Variants in MLIP observed in about 807,000 individuals in gnomAD.
The protein encoded by MLIP is muscular LMNA-interacting protein.
MLIP carries 79 observed loss-of-function variants against 84.8 expected under a neutral mutation model. The ratio of observed to expected loss-of-function variants is 0.93; its 90% CI spans 0.78 to 1.12. The LOEUF is 1.12. MLIP is among the 50% of genes most tolerant of loss of function. The pLI, the probability that MLIP is intolerant of heterozygous loss-of-function variation, is 0.00. For missense variants in MLIP, 1,257 were observed against 1,160.6 expected, an observed-to-expected ratio of 1.08 and a Z score of -1.21; for synonymous variants, 504 against 463.0, an observed-to-expected ratio of 1.09 and a Z score of -1.14.
At chr6:54,077,156 G>T (rs1299586897) in intron 1 of MLIP, among the ~76,000 whole-genome samples, 1 of 152,134 alleles carries the variant, frequency 6.6e-6, no homozygotes, top group African/African-American at 2.4e-5. Context: ...AATCAAGGCT[G>T]CCATACTATC....
At chr6:54,190,673 A>T (rs1312306119) in intron 10 of MLIP, among the ~76,000 whole-genome samples, 1 of 152,170 alleles carries the variant, frequency 6.6e-6, no homozygotes, top group East Asian at 1.9e-4. Flanking sequence ...TTATTTGAAG[A>T]TAAAATTTGA....
Position 54,020,673 on chromosome 6 carries a change from C to T in MLIP, c.63+1582C>T, listed in dbSNP as rs76050367. On this transcript the variant is annotated intron_variant, in intron 1 of 12. Transcript: ENST00000274897. ...CTGGAAAGTCAGACATTGTGCATGC[C>T]TGACTCTATCTTGAATACAGCTATA... 9.6e-3 allele frequency among the ~76,000 whole-genome samples: 1,461 copies of T among 152,292 alleles called. 8 individuals are homozygous for T. Among genetic ancestry groups the T allele is most frequent in the Middle Eastern group, 0.034 (10 of 294 alleles).
chr6:54,070,732 T>C (rs1214542368), intron 1 of MLIP, among the ~76,000 whole-genome samples: 2 of 152,204 alleles, frequency 1.3e-5, no homozygotes, highest in Non-Finnish European at 2.9e-5. Flanking sequence ...CTTTTTAGCA[T>C]ATTGTTTTTT....
At chr6:54,164,352 A>G (rs1027247154) in intron 8 of MLIP, among the ~76,000 whole-genome samples, 1 of 151,914 alleles carries the variant, frequency 6.6e-6, no homozygotes, top group African/African-American at 2.4e-5. Context: ...TTCCTTCAAG[A>G]GGAATCCTTG....
chr6:54,068,066 T>TCCTTCCTTCCTTCCTG (rs1766301064), intron 1 of MLIP, among the ~76,000 whole-genome samples: 6 of 72,790 alleles, frequency 8.2e-5, no homozygotes, highest in African/African-American at 1.6e-4. Context: ...CTTCCTTCCT[T>TCCTTCCTTCCTTCCTG]CCTTCCTTCC....
At chr6:54,111,193 G>C (rs1769432010), upstream of MLIP, among the ~76,000 whole-genome samples, 1 of 152,148 alleles carries the variant, frequency 6.6e-6, no homozygotes, top group Non-Finnish European at 1.5e-5. Context: ...AAAGAAAAGA[G>C]GGAAAACACA....
intron 11 of MLIP, among the ~76,000 whole-genome samples, chr6:54,204,157 T>A (rs909890949): frequency 6.6e-6 from 1 of 152,214 alleles, no homozygotes; most frequent in African/African-American, 2.4e-5. Context: ...TAGAAGGCAT[T>A]GATATGATCA....
chr6:54,127,466 A>T (rs1561957895), intron 3 of MLIP, among the ~76,000 whole-genome samples: 1 of 152,144 alleles, frequency 6.6e-6, no homozygotes, highest in Non-Finnish European at 1.5e-5. Context: ...AGATATTGAC[A>T]CCTTCATGAA....
intron 3 of MLIP, among the ~76,000 whole-genome samples, chr6:54,125,066 C>G (rs1385894353): frequency 6.6e-6 from 1 of 152,152 alleles, no homozygotes; most frequent in African/African-American, 2.4e-5. Context: ...AAGGATTAAG[C>G]AATTATGCTG....
intron 1 of MLIP, among the ~76,000 whole-genome samples, chr6:54,076,710 G>C (rs1582084496): frequency 6.6e-6 from 1 of 152,220 alleles, no homozygotes; most frequent in African/African-American, 2.4e-5. Flanking sequence ...ATCAAAGCCT[G>C]AATACAATTT....
At chr6:54,136,548 T>C (rs1397583037) in intron 3 of MLIP, among the ~76,000 whole-genome samples, 167 bp from the exon 4 acceptor site, 2 of 152,224 alleles carry the variant, frequency 1.3e-5, no homozygotes, top group Non-Finnish European at 2.9e-5. Context: ...TTATTTCGAA[T>C]TCAGAGCAAG....
intron 1 of MLIP, among the ~76,000 whole-genome samples, chr6:54,082,327 G>C (rs895573234): frequency 1.3e-5 from 2 of 151,796 alleles, no homozygotes; most frequent in Admixed American, 1.3e-4. Context: ...CGATTTCTTG[G>C]GCTAGGTGCA....
chr6:54,028,260 C>T (rs187751771), intron 1 of MLIP, among the ~76,000 whole-genome samples: 141 of 152,210 alleles, frequency 9.3e-4, no homozygotes, highest in Non-Finnish European at 1.5e-3. Context: ...GCATGGGTAG[C>T]TTCTGGGAAG....
At chr6:54,154,555 G>T (rs558879349) in intron 5 of MLIP, among the ~76,000 whole-genome samples, 23 of 152,244 alleles carry the variant, frequency 1.5e-4, no homozygotes, top group Non-Finnish European at 2.9e-4. Context: ...AAGCATCAAG[G>T]TTACTAAGTT....
chr6:54,210,190 G>T (rs1779342384), intron 11 of MLIP, among the ~76,000 whole-genome samples: 1 of 152,286 alleles, frequency 6.6e-6, no homozygotes, highest in Non-Finnish European at 1.5e-5. Flanking sequence ...CTGCTTGTCT[G>T]CAGCAGGACA....
At chr6:54,160,852 G>T in intron 8 of MLIP, 53 bp downstream of exon 8, 1 of 1,471,610 alleles carries the variant, frequency 6.8e-7, no homozygotes, top group South Asian at 1.2e-5. Context: ...TTAGATCAAT[G>T]ATTTCCAAAC....
At chr6:54,242,526 G>A (rs778412722) in intron 12 of MLIP, among the ~76,000 whole-genome samples, 5 of 151,874 alleles carry the variant, frequency 3.3e-5, no homozygotes, top group Admixed American at 3.3e-4. Context: ...AATATTTTTT[G>A]CCAGAGGTTT....
At chr6:54,238,554 G>A (rs1001479301) in intron 12 of MLIP, among the ~76,000 whole-genome samples, 1 of 152,144 alleles carries the variant, frequency 6.6e-6, no homozygotes, top group Non-Finnish European at 1.5e-5. Flanking sequence ...ACTCTGCCAA[G>A]TTTGCACCAG....
intron 1 of MLIP, among the ~76,000 whole-genome samples, chr6:54,036,329 G>A (rs576310217): frequency 6.7e-6 from 1 of 150,140 alleles, no homozygotes; most frequent in East Asian, 2.0e-4. Context: ...AAAATCACAA[G>A]CATTCCTATA....
Sources: gnomAD v4.1 joint callset for allele counts (sites outside exome capture counted in the v4.1 genomes callset) on GRCh38, gnomAD v4.1.1 for gene constraint, MANE v1.5 for transcripts, NCBI Gene and HGNC (gene_info 2026-07-23, HGNC 2026-07-21) for gene names.